ARHGAP33: variants seen among roughly 807,000 people sequenced by gnomAD.
The protein encoded by ARHGAP33 is rho GTPase-activating protein 33.
Under a neutral mutation model 126.2 loss-of-function variants are expected in ARHGAP33, and 57 were observed. The observed-to-expected ratio is 0.45, with a 90% CI of 0.36 to 0.56. The LOEUF (loss-of-function observed/expected upper bound fraction) is 0.56. ARHGAP33 is among the 20% of genes least tolerant of loss of function. ARHGAP33 has a pLI of 0.00. For missense variants in ARHGAP33, 1,500 were observed against 1,748.3 expected (o/e 0.86, Z 2.53); for synonymous variants, 711 against 755.0 (o/e 0.94, Z 0.95).
intron 16 of ARHGAP33, 165 bp from the exon 17 acceptor site, chr19:35,784,788 A>ACCTGCCTGCTGCCCG (rs2146734425): frequency 1.7e-6 from 2 of 1,179,226 alleles, no homozygotes; most frequent in East Asian, 5.2e-5. Context: ...CCCTCCTCCC[A>ACCTGCCTGCTGCCCG]CCTGCCTGCT....
At chr19:35,775,720 G>A in intron 1 of ARHGAP33, 56 bp downstream of exon 1, 3 of 1,474,042 alleles carry the variant, frequency 2.0e-6, no homozygotes, top group South Asian at 1.3e-5. Flanking sequence ...CTGTCCGTGC[G>A]CAGCCCCGCC....
At position 35,786,317 on chromosome 19, in the gene ARHGAP33, C is replaced by G. The variant is rs1972107237; in HGVS notation, c.1943-96C>G. The G allele has an allele frequency of 3.5e-6, 5 of 1,448,818 alleles. No homozygotes were observed. Among genetic ancestry groups the G allele is most frequent in the Non-Finnish European group, 2.7e-6 (3 of 1,105,332 alleles). The allele number at this position is 1,448,818 out of a possible 1,614,324, so 89.7% of individuals were successfully genotyped here. A position where few individuals can be genotyped will look rare whatever the true frequency, so the allele number is the denominator to read the frequency against. On this transcript the variant is annotated intron_variant, in intron 19 of 20. Coordinates refer to ENST00000007510, the MANE Select transcript of ARHGAP33 (RefSeq NM_001366178.1). This position sits in a 1 kb window ranked among gnomAD's most constrained non-coding sequence, Gnocchi z 7.0. ...TTCCTGGCTTCACACTACTGTGGCCCTCTCCAGGAGGCGCCTCTTCATGTC... is the reference window on the plus strand; with the variant it reads ...TTCCTGGCTTCACACTACTGTGGCCGTCTCCAGGAGGCGCCTCTTCATGTC...
At chr19:35,779,212 A>G (rs1262718001) in intron 6 of ARHGAP33, 88 bp downstream of exon 6, 3 of 1,048,940 alleles carry the variant, frequency 2.9e-6, no homozygotes, top group Admixed American at 2.6e-5. Context: ...GTGTGGGCAT[A>G]GAAAAGAAAG....
rs756364003 is a variant in ARHGAP33, at chr19:35,788,783, AC to A, written c.*356del. ...CTTCTTTCCCCACATGCCCCACTAA[AC>A]CATCTGACAACATTAATGAATAAAA... is the stretch of plus-strand genomic sequence containing the variant. On this transcript the variant is annotated 3_prime_UTR_variant, in exon 21 of 21. Transcript: ENST00000007510. 15 of 224,966 alleles carry A rather than the reference AC, an allele frequency of 6.7e-5. No homozygotes were observed. The Admixed American group carries it at 6.9e-4, about 10-fold the overall frequency. 13.9% of individuals were successfully genotyped at this position (224,966 alleles called of 1,614,324 possible).
chr19:35,786,100 C>T lies in ARHGAP33; in HGVS notation c.1943-313C>T. 2 of 1,242,500 alleles carry T rather than the reference C, an allele frequency of 1.6e-6. No homozygotes were observed. The highest frequency in any genetic ancestry group is 3.1e-4 in the Middle Eastern group (1 of 3,186). 77.0% of individuals were successfully genotyped at this position (1,242,500 alleles called of 1,614,324 possible). ...TGCCTCTGGGGGCTCTTCTGAGCCACCGCGCCATCCTCACACTCCTGGGGT... is the reference window on the plus strand; with the variant it reads ...TGCCTCTGGGGGCTCTTCTGAGCCATCGCGCCATCCTCACACTCCTGGGGT... On this transcript the variant is annotated intron_variant, in intron 19 of 20. Coordinates refer to ENST00000007510, the MANE Select transcript of ARHGAP33 (RefSeq NM_001366178.1). This position sits in a 1 kb window ranked among gnomAD's most constrained non-coding sequence, Gnocchi z 7.0.
chr19:35,788,317 G>T lies in ARHGAP33; in HGVS notation c.3752G>T (p.Gly1251Val), dbSNP rs1427846352. 1.2e-6 allele frequency: 2 copies of T among 1,608,538 alleles called. No homozygotes were observed. Among genetic ancestry groups the T allele is most frequent in the Non-Finnish European group, 1.7e-6 (2 of 1,178,422 alleles). ...GGAAGGGGGGGCGAGCTCCACCGAG[G>T]GTCCTTGTACAGAAATGGAGGGCAA... The part of the protein sequence containing the change: ...AYGRGGELHR[G>V]SLYRNGGQRG... Residue 1251 changes from glycine to valine, a missense_variant, in exon 21 of 21, where the codon GGG becomes GTG. Around this residue, in one of 6 missense-constraint regions of ARHGAP33, gnomAD observed 642 missense variants for 634.0 expected, o/e 1.01. Transcript: ENST00000007510.
chr19:35,782,606 T>C lies in ARHGAP33; in HGVS notation c.1240T>C (p.Ser414Pro). 6.2e-7 allele frequency: 1 copy of C among 1,613,886 alleles called. No homozygotes were observed. Among genetic ancestry groups the C allele is most frequent in the Admixed American group, 1.7e-5 (1 of 59,982 alleles). ...CTGCCCACCATCTCAGGAGGCCATG[T>C]CAGTGCCTGGGGAGGAGGAGCGTCT... is the stretch of plus-strand genomic sequence containing the variant. ...QLYGKFSEAM[S>P]VPGEEERLVR... The change falls in exon 14 of 21, where the codon TCA becomes CCA. Residue 414 changes from serine to proline, a missense_variant. Physicochemically the swap from Ser to Pro is moderately conservative, Grantham distance 74. This residue lies in a region of ARHGAP33 where 281 missense variants were observed against 413.7 expected (regional missense o/e 0.68). Transcript: ENST00000007510. This position sits in a 1 kb window ranked among gnomAD's most constrained non-coding sequence, Gnocchi z 4.1.
Position 35,778,495 on chromosome 19 carries a change from A to G in ARHGAP33, c.302A>G (p.Asp101Gly), listed in dbSNP as rs746374775. The G allele has an allele frequency of 6.2e-7, 1 of 1,614,036 alleles. No homozygotes were observed. Among genetic ancestry groups the G allele is most frequent in the East Asian group, 2.2e-5 (1 of 44,866 alleles). ...TCCTGGCCGGTTCTCCGGAGTTACG[A>G]TGACTTTCGTTCCCTGGATGCCCAC... The part of the protein sequence containing the change: ...GRSWPVLRSY[D>G]DFRSLDAHLH... The change falls in exon 5 of 21, where the codon GAT becomes GGT. Residue 101 changes from aspartate (D) to glycine (G), a missense_variant. Asp to Gly is a moderately conservative substitution (Grantham distance 94). Around this residue, in one of 6 missense-constraint regions of ARHGAP33, gnomAD observed 129 missense variants for 145.9 expected, o/e 0.88. Coordinates refer to ENST00000007510, the MANE Select transcript of ARHGAP33 (RefSeq NM_001366178.1).
intron 15 of ARHGAP33, among the ~76,000 whole-genome samples, chr19:35,783,731 A>AG: frequency 6.6e-6 from 1 of 152,030 alleles, no homozygotes; most frequent in Non-Finnish European, 1.5e-5. Context: ...GCCTGGAGCG[A>AG]GGTGCAGCCA....
In ARHGAP33 at chr19:35,782,115, A is replaced by T. The variant is rs992404468; in HGVS notation, c.1086-258A>T. 2.0e-5 allele frequency among the ~76,000 whole-genome samples: 3 copies of T among 152,138 alleles called. No individual in the cohort carries two copies. The highest frequency in any genetic ancestry group is 6.5e-5 in the Admixed American group (1 of 15,286). On this transcript the variant is annotated intron_variant, in intron 12 of 20. Transcript: ENST00000007510. This position sits in a 1 kb window ranked among gnomAD's most constrained non-coding sequence, Gnocchi z 4.1. Reference sequence around the variant, plus strand: ...AGCTGCTCATGCTCTGGAGTCAGACAGTCTTGGGTAGCTGCAGGCAGAGGC... The same window carrying T: ...AGCTGCTCATGCTCTGGAGTCAGACTGTCTTGGGTAGCTGCAGGCAGAGGC...
chr19:35,776,092 C>T (rs1971443666), intron 1 of ARHGAP33, among the ~76,000 whole-genome samples: 1 of 132,684 alleles, frequency 7.5e-6, no homozygotes, highest in South Asian at 2.7e-4. Context: ...CATTCCCGAG[C>T]CCCACCCCCC....
intron 16 of ARHGAP33, 181 bp from the exon 17 acceptor site, chr19:35,784,772 G>GCCCCCCC: frequency 7.6e-7 from 1 of 1,322,238 alleles, no homozygotes. Flanking sequence ...AGCTCGTCCC[G>GCCCCCCC]CCCCGCCCTC....
At chr19:35,776,341 T>C (rs1971460048) in intron 1 of ARHGAP33, among the ~76,000 whole-genome samples, 1 of 151,742 alleles carries the variant, frequency 6.6e-6, no homozygotes. Flanking sequence ...ACCATGCTGC[T>C]CCCGCTCATT....
In ARHGAP33 at chr19:35,786,139, A is replaced by C; in HGVS notation, c.1943-274A>C. The C allele has an allele frequency of 6.7e-6, 9 of 1,337,062 alleles. No individual in the cohort carries two copies. Among genetic ancestry groups the C allele is most frequent in the Non-Finnish European group, 8.6e-6 (9 of 1,046,292 alleles). 82.8% of individuals were successfully genotyped at this position (1,337,062 alleles called of 1,614,324 possible). A position where few individuals can be genotyped will look rare whatever the true frequency, so the allele number is the denominator to read the frequency against. ...CACTCCTGGGGTACTGCCCTCCCAC[A>C]TACCCAGGAGCCCAGGTGCTGTCCT... On this transcript the variant is annotated intron_variant, in intron 19 of 20. Transcript: ENST00000007510. This position sits in a 1 kb window ranked among gnomAD's most constrained non-coding sequence, Gnocchi z 7.0.
intron 16 of ARHGAP33, 75 bp from the exon 17 acceptor site, chr19:35,784,878 G>A: frequency 6.9e-7 from 1 of 1,449,158 alleles, no homozygotes; most frequent in East Asian, 2.6e-5. Context: ...CGGGGCTTGG[G>A]CTGTGGCGCT....
At position 35,775,628 on chromosome 19, in the gene ARHGAP33, C is replaced by T. The variant is rs1971411430; in HGVS notation, c.-31C>T. ...CGAGAACGGCGAGCGAGGGGTCGAG[C>T]GCGGCCGGGGCCTGAGGAGGCTACG... On this transcript the variant is annotated 5_prime_UTR_variant, in exon 1 of 21. Coordinates refer to ENST00000007510, the MANE Select transcript of ARHGAP33 (RefSeq NM_001366178.1). The T allele has an allele frequency of 1.3e-6, 2 of 1,518,870 alleles. No homozygotes were observed. Among genetic ancestry groups the T allele is most frequent in the Non-Finnish European group, 8.8e-7 (1 of 1,138,602 alleles). The allele number at this position is 1,518,870 out of a possible 1,614,324, so 94.1% of individuals were successfully genotyped here. A position where few individuals can be genotyped will look rare whatever the true frequency, so the allele number is the denominator to read the frequency against.
At chr19:35,783,646 G>GAGGTC (rs1417341711) in intron 15 of ARHGAP33, among the ~76,000 whole-genome samples, 3 of 152,050 alleles carry the variant, frequency 2.0e-5, no homozygotes, top group Non-Finnish European at 4.4e-5. Flanking sequence ...AGGAGATGAT[G>GAGGTC]AGGTCAGAGA....
chr19:35,783,640 G>C (rs534967230), intron 15 of ARHGAP33, among the ~76,000 whole-genome samples: 1 of 152,156 alleles, frequency 6.6e-6, no homozygotes, highest in East Asian at 1.9e-4. Flanking sequence ...AGGGAGAGGA[G>C]ATGATGAGGT....
chr19:35,781,422 C>T (rs550172964), intron 12 of ARHGAP33, among the ~76,000 whole-genome samples, 170 bp downstream of exon 12: 86 of 152,308 alleles, frequency 5.6e-4, no homozygotes, highest in African/African-American at 2.0e-3. Context: ...TAAGCGAGGA[C>T]TATCTTCACC....
Sources: gnomAD v4.1 joint callset for allele counts (sites outside exome capture counted in the v4.1 genomes callset) on GRCh38, gnomAD v4.1.1 for gene constraint, gnomAD v4.1.1 regional missense constraint, Gnocchi (gnomAD v3.1) non-coding constraint, MANE v1.5 for transcripts, NCBI Gene and HGNC (gene_info 2026-07-23, HGNC 2026-07-21) for gene names.